LIPJ: variants seen among roughly 807,000 people sequenced by gnomAD.
LIPJ encodes the protein lipase member J.
A neutral mutation model predicts 39.8 loss-of-function variants in LIPJ; 33 were observed. That is an observed-to-expected ratio of 0.83 (90% CI 0.63 to 1.11). The LOEUF (loss-of-function observed/expected upper bound fraction) is 1.11, where lower values mean the gene tolerates loss of function less well. Among genes scored for constraint, LIPJ ranks in the 50% least tolerant of loss-of-function variants. The pLI is 0.00. For missense variants in LIPJ, 422 were observed against 427.9 expected (o/e 0.99, Z 0.12); for synonymous variants, 128 against 139.2 (o/e 0.92, Z 0.57).
intron 4 of LIPJ, chr10:88,591,764 A>G (rs1453250577): frequency 4.8e-6 from 1 of 208,628 alleles, no homozygotes; most frequent in Non-Finnish European, 9.5e-6. Context: ...ATTCTCTAGA[A>G]TTTTCTTTTT....
chr10:88,607,206 GT>G (rs1851694605), downstream of LIPJ, among the ~76,000 whole-genome samples: 1 of 151,878 alleles, frequency 6.6e-6, no homozygotes. Context: ...TTTTAAGAAA[GT>G]TTTTTTCAAA....
chr10:88,600,506 C>A lies in LIPJ; in HGVS notation c.724-2070C>A, dbSNP rs536557162. ...TGTTAAAATATTCTACCTTCATGAC[C>A]ATTTTAAACTTTAAAAAATATTTTA... is the stretch of plus-strand genomic sequence containing the variant. On this transcript the variant is annotated intron_variant, in intron 8 of 10. Coordinates refer to ENST00000371939, the Ensembl canonical transcript of LIPJ. Among the ~76,000 whole-genome samples, 19 of 152,212 alleles carry A rather than the reference C, an allele frequency of 1.2e-4. No individual in the cohort carries two copies. The East Asian group carries it at 3.5e-3, about 28-fold the overall frequency.
chr10:88,591,395 C>A lies in LIPJ; in HGVS notation c.27C>A (p.Tyr9Ter), dbSNP rs1289655724. Residue 9 changes from tyrosine (Y) to a stop codon, truncating the protein, a stop_gained, in exon 4 of 11, where the codon TAC (tyrosine) becomes TAA (stop). Coordinates refer to ENST00000371939, the Ensembl canonical transcript of LIPJ. LOFTEE classifies it high-confidence loss of function. ...TTATCTAGAGCCAGATTATTTCCTA[C>A]TGGGGCTACCCTGATGAAGAATATG... 1.3e-6 allele frequency: 2 copies of A among 1,599,798 alleles called. No homozygotes were observed. The highest frequency in any genetic ancestry group is 1.7e-6 in the Non-Finnish European group (2 of 1,172,038).
At chr10:88,583,385 C>A, upstream of LIPJ, 1 of 1,385,520 alleles carries the variant, frequency 7.2e-7, no homozygotes, top group Non-Finnish European at 9.3e-7. Context: ...GCCCCTCCGT[C>A]CTTGAGGAGC....
At chr10:88,621,245 G>C in the LIPJ span, among the ~76,000 whole-genome samples, 2 of 152,140 alleles carry the variant, frequency 1.3e-5, no homozygotes, top group Non-Finnish European at 2.9e-5. Flanking sequence ...GCCAAAACTA[G>C]GGGGTGAGAA....
chr10:88,594,496 A>T (rs1370606706), intron 5 of LIPJ, among the ~76,000 whole-genome samples, 171 bp from the exon 6 acceptor site: 1 of 151,910 alleles, frequency 6.6e-6, no homozygotes, highest in East Asian at 1.9e-4. Flanking sequence ...TATTTCCTTG[A>T]GTTTGAGTTC....
At chr10:88,614,190 A>C in the LIPJ span, among the ~76,000 whole-genome samples, 4 of 152,020 alleles carry the variant, frequency 2.6e-5, no homozygotes, top group African/African-American at 4.8e-5. Flanking sequence ...TTTCAGAAGT[A>C]TAGTTGTGTT....
In LIPJ at chr10:88,601,818, G is replaced by A. The variant is rs373124925; in HGVS notation, c.724-758G>A. On this transcript the variant is annotated intron_variant, in intron 8 of 10. Coordinates refer to ENST00000371939, the Ensembl canonical transcript of LIPJ. ...CATATACTTGCTTTTCTTTGAGTAG[G>A]GTTAACTGATTTTGAGAAATTTTTA... Among the ~76,000 whole-genome samples the A allele has an allele frequency of 3.9e-5, 6 of 152,050 alleles. No individual in the cohort carries two copies. The East Asian group carries it at 9.6e-4, about 24-fold the overall frequency.
chr10:88,585,110 T>C (rs1484219982), upstream of LIPJ, among the ~76,000 whole-genome samples: 2 of 152,190 alleles, frequency 1.3e-5, no homozygotes, highest in Admixed American at 1.3e-4. Context: ...AAATCGTCAA[T>C]CTGGAAAGTA....
chr10:88,603,459 A>G (rs1339569381), intron 9 of LIPJ, among the ~76,000 whole-genome samples: 1 of 152,180 alleles, frequency 6.6e-6, no homozygotes, highest in African/African-American at 2.4e-5. Context: ...TGTTCAATTA[A>G]TGATATTGAT....
upstream of LIPJ, among the ~76,000 whole-genome samples, chr10:88,585,296 C>T (rs1387117837): frequency 2.0e-5 from 3 of 152,140 alleles, no homozygotes; most frequent in African/African-American, 7.2e-5. Flanking sequence ...TTCCAGCTTC[C>T]TCATTTCTAT....
intron 8 of LIPJ, among the ~76,000 whole-genome samples, chr10:88,601,453 C>G (rs1170904587): frequency 1.3e-5 from 2 of 152,176 alleles, no homozygotes; most frequent in Non-Finnish European, 2.9e-5. Context: ...ATTCAGGAGA[C>G]TACTTCTCCT....
At chr10:88,619,924 ACTT>A in the LIPJ span, among the ~76,000 whole-genome samples, 1 of 152,056 alleles carries the variant, frequency 6.6e-6, no homozygotes, top group African/African-American at 2.4e-5. Context: ...AAAATTAAAA[ACTT>A]CTGCATTTTG....
exon 4 of LIPJ, chr10:88,591,379 G>C: frequency 6.3e-7 from 1 of 1,590,876 alleles, no homozygotes; most frequent in Non-Finnish European, 8.6e-7. Context: ...TTTATCTAGA[G>C]CCAGATTATT....
chr10:88,611,611 T>G (rs1200154507), downstream of LIPJ, among the ~76,000 whole-genome samples: 1 of 151,978 alleles, frequency 6.6e-6, no homozygotes, highest in African/African-American at 2.4e-5. Context: ...CTTAGAGAAA[T>G]GCAAAATGTA....
intron 8 of LIPJ, among the ~76,000 whole-genome samples, chr10:88,602,252 C>T (rs1851510906): frequency 6.6e-6 from 1 of 151,914 alleles, no homozygotes; most frequent in South Asian, 2.1e-4. Flanking sequence ...TAATTTACTT[C>T]TATCTTGTTA....
chr10:88,605,342 A>G (rs960247645), intron 9 of LIPJ, among the ~76,000 whole-genome samples: 2 of 152,136 alleles, frequency 1.3e-5, no homozygotes, highest in South Asian at 2.1e-4. Context: ...GATTTGAGGG[A>G]GCCTGATGTT....
chr10:88,591,009 A>G (rs1851062627), intron 3 of LIPJ, among the ~76,000 whole-genome samples: 1 of 151,912 alleles, frequency 6.6e-6, no homozygotes. Flanking sequence ...ATATACACAT[A>G]GACATGCAAA....
chr10:88,606,808 A>T, exon 11 of LIPJ: 1 of 1,612,694 alleles, frequency 6.2e-7, no homozygotes, highest in South Asian at 1.1e-5. Context: ...TTTATTATAA[A>T]ACTATTTCTT....
Sources: allele counts gnomAD v4.1 joint callset (sites outside exome capture counted in the v4.1 genomes callset), GRCh38; gene constraint gnomAD v4.1.1; transcripts MANE v1.5; gene names NCBI Gene and HGNC (gene_info 2026-07-23, HGNC 2026-07-21).